AHR: variants seen among roughly 807,000 people sequenced by gnomAD.
AHR encodes the protein AH-receptor.
Under a neutral mutation model 86.8 loss-of-function variants are expected in AHR, and 40 were observed. The observed-to-expected ratio is 0.46, with a 90% CI of 0.36 to 0.60. The LOEUF is 0.60. Ranked by LOEUF, AHR falls within the 20% of genes least tolerant of loss-of-function variation. AHR has a pLI of 0.00. For missense variants in AHR, 1,001 were observed against 1,011.6 expected, an observed-to-expected ratio of 0.99 and a Z score of 0.14; for synonymous variants, 398 against 354.9, an observed-to-expected ratio of 1.12 and a Z score of -1.37.
At chr7:17,330,655 C>T (rs1782278437) in intron 5 of AHR, 101 bp from the exon 6 acceptor site, 1 of 1,084,454 alleles carries the variant, frequency 9.2e-7, no homozygotes, top group African/African-American at 1.6e-5. Flanking sequence ...GTATTCAGAA[C>T]ACAGACTCCA....
At chr7:17,309,204 G>C (rs561821418) in intron 1 of AHR, among the ~76,000 whole-genome samples, 12 of 152,248 alleles carry the variant, frequency 7.9e-5, no homozygotes, top group Admixed American at 6.5e-4. Context: ...GGGTTCCGTT[G>C]AACTTTCTAA....
intron 4 of AHR, 57 bp from the exon 5 acceptor site, chr7:17,329,895 T>G: frequency 6.7e-7 from 1 of 1,489,676 alleles, no homozygotes; most frequent in Non-Finnish European, 9.1e-7. Context: ...TAAAATTAAT[T>G]TAGCCATATT....
chr7:17,346,012 A>C lies in AHR; in HGVS notation c.*2948A>C, dbSNP rs966088947. The C allele has an allele frequency of 2.6e-5, 4 of 152,694 alleles. No homozygotes were observed. 9.5% of individuals were successfully genotyped at this position (152,694 alleles called of 1,614,324 possible). A position where few individuals can be genotyped will look rare whatever the true frequency, so the allele number is the denominator to read the frequency against. On this transcript the variant is annotated 3_prime_UTR_variant, in exon 11 of 11. Coordinates refer to ENST00000242057, the MANE Select transcript of AHR (RefSeq NM_001621.5). ...TTCGATGTTACTAAATTTTAGGTAA[A>C]TGCTTTCATGGCTTTTTTCTTCAAA...
At chr7:17,299,637 C>G (rs1039561279) in intron 1 of AHR, among the ~76,000 whole-genome samples, 1 of 152,264 alleles carries the variant, frequency 6.6e-6, no homozygotes, top group African/African-American at 2.4e-5. Context: ...CAGCTCTGAT[C>G]TGCCTTGGGC....
intron 1 of AHR, among the ~76,000 whole-genome samples, chr7:17,301,782 A>G (rs144244365): frequency 6.6e-6 from 1 of 151,944 alleles, no homozygotes; most frequent in Non-Finnish European, 1.5e-5. Flanking sequence ...GTAGACTCTC[A>G]ATAAATATTT....
chr7:17,338,694 A>C (rs1266011703), intron 9 of AHR, among the ~76,000 whole-genome samples: 2 of 152,062 alleles, frequency 1.3e-5, no homozygotes, highest in African/African-American at 2.4e-5. Context: ...GTAGATATTT[A>C]TTCCACACAA....
At chr7:17,309,003 A>G (rs191503128) in intron 1 of AHR, among the ~76,000 whole-genome samples, 63 of 152,298 alleles carry the variant, frequency 4.1e-4, no homozygotes, top group Non-Finnish European at 7.5e-4. Context: ...TAAGGTATAA[A>G]TTACTTTAGT....
intron 1 of AHR, 63 bp downstream of exon 1, chr7:17,299,392 G>T: frequency 3.8e-6 from 6 of 1,565,578 alleles, no homozygotes; most frequent in Non-Finnish European, 5.2e-6. Context: ...GGTGCGGGAG[G>T]CAGCCCCACC....
chr7:17,315,050 T>G (rs1201364700), intron 2 of AHR, among the ~76,000 whole-genome samples: 1 of 152,040 alleles, frequency 6.6e-6, no homozygotes, highest in Non-Finnish European at 1.5e-5. Context: ...AAACTCTAAT[T>G]ACAATATTCA....
intron 6 of AHR, among the ~76,000 whole-genome samples, chr7:17,333,654 T>C (rs997203077): frequency 3.3e-5 from 5 of 152,002 alleles, no homozygotes; most frequent in South Asian, 2.1e-4. Flanking sequence ...GAAAATGATA[T>C]AGGTTTTCAT....
intron 1 of AHR, among the ~76,000 whole-genome samples, chr7:17,299,705 A>G (rs1004247664): frequency 1.3e-5 from 2 of 152,116 alleles, no homozygotes; most frequent in Non-Finnish European, 1.5e-5. Context: ...TCATATCCGC[A>G]TGGGTTAGGT....
intron 4 of AHR, among the ~76,000 whole-genome samples, chr7:17,329,304 T>C (rs1310466782): frequency 6.6e-6 from 1 of 151,942 alleles, no homozygotes; most frequent in Non-Finnish European, 1.5e-5. Context: ...TGTGAAACTT[T>C]TCCATGTGTT....
chr7:17,311,783 T>C (rs1782066815), intron 2 of AHR, among the ~76,000 whole-genome samples: 1 of 152,222 alleles, frequency 6.6e-6, no homozygotes, highest in South Asian at 2.1e-4. Flanking sequence ...GGTCTGTAAG[T>C]ATGTGTGTAT....
At chr7:17,322,674 C>A (rs962400535) in intron 3 of AHR, 67 bp downstream of exon 3, 1 of 1,048,910 alleles carries the variant, frequency 9.5e-7, no homozygotes, top group South Asian at 1.4e-5. Flanking sequence ...ATTAATAAGT[C>A]TTTTAGTAAT....
intron 2 of AHR, among the ~76,000 whole-genome samples, chr7:17,314,851 T>C (rs1429562540): frequency 6.6e-6 from 1 of 152,080 alleles, no homozygotes; most frequent in Non-Finnish European, 1.5e-5. Flanking sequence ...AGTTTCAGTA[T>C]GATAGTATCA....
intron 2 of AHR, among the ~76,000 whole-genome samples, chr7:17,313,589 G>A (rs548353184): frequency 6.6e-6 from 1 of 152,136 alleles, no homozygotes; most frequent in South Asian, 2.1e-4. Flanking sequence ...TGTCTGAAAA[G>A]CAACACTATA....
chr7:17,319,325 T>A (rs555330327), intron 2 of AHR, among the ~76,000 whole-genome samples: 1 of 152,188 alleles, frequency 6.6e-6, no homozygotes, highest in African/African-American at 2.4e-5. Flanking sequence ...GAGGTAGCAT[T>A]GTCCTCATTT....
chr7:17,319,435 C>T (rs527978462), intron 2 of AHR, among the ~76,000 whole-genome samples: 1 of 152,104 alleles, frequency 6.6e-6, no homozygotes, highest in Non-Finnish European at 1.5e-5. Flanking sequence ...TTTGTCTAAG[C>T]TCTGCCACTT....
intron 3 of AHR, among the ~76,000 whole-genome samples, chr7:17,322,881 A>G (rs913600686): frequency 6.6e-6 from 1 of 152,072 alleles, no homozygotes; most frequent in Non-Finnish European, 1.5e-5. Flanking sequence ...TTTCTAGTTT[A>G]GATACAAAAA....
Sources: gnomAD v4.1 joint callset for allele counts (sites outside exome capture counted in the v4.1 genomes callset) on GRCh38, gnomAD v4.1.1 for gene constraint, MANE v1.5 for transcripts, NCBI Gene and HGNC (gene_info 2026-07-23, HGNC 2026-07-21) for gene names.